The following RICTOR variants were observed in gnomAD, a reference collection of about 807,000 sequenced individuals.
The protein encoded by RICTOR is RPTOR independent companion of MTOR complex 2.
Under a neutral mutation model 214.9 loss-of-function variants are expected in RICTOR, and 49 were observed. The ratio of observed to expected loss-of-function variants is 0.23; its 90% CI spans 0.18 to 0.29. The LOEUF (loss-of-function observed/expected upper bound fraction) is 0.29. Ranked by LOEUF, RICTOR falls within the 10% of genes least tolerant of loss-of-function variation. The pLI is 1.00. For synonymous variants in RICTOR, 717 were observed against 711.3 expected (o/e 1.01, Z -0.13); for missense variants, 1,625 against 2,047.0 (o/e 0.79, Z 3.98).
intron 2 of RICTOR, among the ~76,000 whole-genome samples, chr5:39,062,583 AT>A (rs1192688023): frequency 9.2e-5 from 14 of 152,118 alleles, no homozygotes; most frequent in Admixed American, 9.2e-4. Flanking sequence ...TTAAGATGTG[AT>A]TTTTTGAAGT....
rs1490508963 is a variant in RICTOR at position 39,039,707 on chromosome 5, C to G, written c.98-18571G>C. On this transcript the variant is annotated intron_variant, in intron 2 of 37. Coordinates refer to ENST00000357387, the MANE Select transcript of RICTOR (RefSeq NM_152756.5). ...AAGACATTTATGCAGCCAAAAAACACATGAAAAAGTGCTCATCATCACTGG... is the reference window on the plus strand; with the variant it reads ...AAGACATTTATGCAGCCAAAAAACAGATGAAAAAGTGCTCATCATCACTGG... Among the ~76,000 whole-genome samples the G allele has an allele frequency of 3.3e-5, 5 of 152,256 alleles. No individual in the cohort carries two copies. In the South Asian group the frequency reaches 1.0e-3, roughly 32 times the overall value.
intron 8 of RICTOR, among the ~76,000 whole-genome samples, chr5:38,980,144 T>C (rs936875568): frequency 1.3e-5 from 2 of 152,204 alleles, no homozygotes; most frequent in African/African-American, 4.8e-5. Context: ...CATTATTTCA[T>C]CTATTTTATT....
intron 7 of RICTOR, among the ~76,000 whole-genome samples, chr5:38,987,116 T>C (rs571235159): frequency 1.8e-3 from 276 of 152,290 alleles, no homozygotes; most frequent in African/African-American, 5.2e-3. Context: ...TGCTGCTGGA[T>C]TTGGTTTGCC....
chr5:38,956,667 A>C lies in RICTOR; in HGVS notation c.2500-963T>G, dbSNP rs577741240. Among the ~76,000 whole-genome samples the C allele has an allele frequency of 6.6e-5, 10 of 152,174 alleles. No homozygotes were observed. In the East Asian group the frequency reaches 1.9e-3, roughly 29 times the overall value. The stretch of plus-strand genomic sequence containing the variant: ...TAATCTCTCCTCTGTGTTCCCTTAT[A>C]CCTTGCATGTAACTTTGTTATAGCT... On this transcript the variant is annotated intron_variant, in intron 25 of 37. Transcript: ENST00000357387.
chr5:39,011,041 G>A (rs907251180), intron 3 of RICTOR, among the ~76,000 whole-genome samples: 1 of 152,142 alleles, frequency 6.6e-6, no homozygotes, highest in Admixed American at 6.5e-5. Flanking sequence ...ATGTCTCCAA[G>A]GCATGTCAGA....
rs1216641923 is a variant in RICTOR at position 38,939,350 on chromosome 5, T to C, written c.*2954A>G. The C allele has an allele frequency of 4.3e-6, 1 of 232,286 alleles. No individual in the cohort carries two copies. Among genetic ancestry groups the C allele is most frequent in the Non-Finnish European group, 8.5e-6 (1 of 117,558 alleles). 14.4% of individuals were successfully genotyped at this position (232,286 alleles called of 1,614,324 possible). On this transcript the variant is annotated 3_prime_UTR_variant, in exon 38 of 38. Transcript: ENST00000357387. ...AAAGGACTTGTACACATTATGTTAA[T>C]AATGTATATACTTCCAAAGAGCCTC...
intron 16 of RICTOR, among the ~76,000 whole-genome samples, chr5:38,963,679 T>A (rs537485921): frequency 6.6e-6 from 1 of 151,964 alleles, no homozygotes; most frequent in African/African-American, 2.4e-5. Context: ...GAAAGCTTAC[T>A]GAGCTAAAGA....
Position 38,950,387 on chromosome 5 carries a change from T to G in RICTOR, c.3461A>C (p.Gln1154Pro), listed in dbSNP as rs61748209. Residue 1154 changes from glutamine (Q) to proline (P), a missense_variant, in exon 31 of 38, where the codon CAG (glutamine) becomes CCG (proline). By Grantham distance (76) the Gln-to-Pro change is moderately conservative. This residue lies in a region of RICTOR where 1,214 missense variants were observed against 1,470.5 expected (regional missense o/e 0.83). Coordinates refer to ENST00000357387, the MANE Select transcript of RICTOR (RefSeq NM_152756.5). ...TGAAGTCTCTAATTGTAATGTTTTCTGTACAGTGGATATGGGTGTAAAATC... is the reference window on the plus strand; with the variant it reads ...TGAAGTCTCTAATTGTAATGTTTTCGGTACAGTGGATATGGGTGTAAAATC... ...SDDFTPISTVQKTLQLETSFM... is the reference protein window; with the variant it reads ...SDDFTPISTVPKTLQLETSFM... 337 of 1,613,280 alleles carry G rather than the reference T, an allele frequency of 2.1e-4. No homozygotes were observed. The highest frequency in any genetic ancestry group is 2.7e-4 in the Non-Finnish European group (317 of 1,179,512).
chr5:38,990,725 A>ATCATATATATGATATATATG (rs1752647905), intron 7 of RICTOR, among the ~76,000 whole-genome samples: 1 of 123,146 alleles, frequency 8.1e-6, no homozygotes, highest in African/African-American at 3.0e-5. Context: ...TATGATATAT[A>ATCATATATATGATATATATG]TCATATATAT....
At position 38,958,676 on chromosome 5, in the gene RICTOR, A is replaced by G. The variant is rs1368499724; in HGVS notation, c.2334T>C (p.Cys778=). The part of the protein sequence containing the change: ...SEALDILDEA[C]EDKANLHALI... ...AAAAATGAACCTTTACCTTGTCTTCACATGCTTCATCGAGGATATCAAGAG... is the reference window on the plus strand; with the variant it reads ...AAAAATGAACCTTTACCTTGTCTTCGCATGCTTCATCGAGGATATCAAGAG... Residue 778 remains cysteine, a synonymous_variant, in exon 23 of 38, where the codon TGT becomes TGC. Transcript: ENST00000357387. 2.5e-6 allele frequency: 4 copies of G among 1,600,624 alleles called. No homozygotes were observed. Among genetic ancestry groups the G allele is most frequent in the Non-Finnish European group, 3.4e-6 (4 of 1,175,348 alleles).
chr5:39,050,841 G>A (rs939154068), intron 2 of RICTOR, among the ~76,000 whole-genome samples: 2 of 152,076 alleles, frequency 1.3e-5, no homozygotes, highest in African/African-American at 4.8e-5. Context: ...ATGGTTGAAG[G>A]TAAAGAATAC....
chr5:38,967,246 A>T lies in RICTOR; in HGVS notation c.1152-19T>A, dbSNP rs762128450. On this transcript the variant is annotated intron_variant, in intron 13 of 37. Coordinates refer to ENST00000357387, the MANE Select transcript of RICTOR (RefSeq NM_152756.5). ...GTCTGGCCTGGAAAAAACAGCACAGAAACAATTTAAATAAAGTTTCATAGA... is the reference window on the plus strand; with the variant it reads ...GTCTGGCCTGGAAAAAACAGCACAGTAACAATTTAAATAAAGTTTCATAGA... The T allele has an allele frequency of 2.5e-6, 4 of 1,609,062 alleles. No homozygotes were observed. Among genetic ancestry groups the T allele is most frequent in the Non-Finnish European group, 3.4e-6 (4 of 1,175,514 alleles).
chr5:38,998,995 G>A (rs1208546595), intron 5 of RICTOR, among the ~76,000 whole-genome samples: 11 of 118,978 alleles, frequency 9.2e-5, no homozygotes, highest in Non-Finnish European at 1.4e-4. Flanking sequence ...CAGCTTGGGC[G>A]ACAGAGCGAG....
chr5:39,017,401 T>C (rs1303710576), intron 3 of RICTOR, among the ~76,000 whole-genome samples: 1 of 152,126 alleles, frequency 6.6e-6, no homozygotes, highest in Non-Finnish European at 1.5e-5. Flanking sequence ...GTTGCGGTCT[T>C]AAAGATTTGA....
At chr5:39,065,215 A>T (rs937788348) in intron 2 of RICTOR, among the ~76,000 whole-genome samples, 1 of 152,148 alleles carries the variant, frequency 6.6e-6, no homozygotes, top group African/African-American at 2.4e-5. Context: ...GCAAAGACGA[A>T]GCGTGTGCAG....
At chr5:39,017,484 T>C (rs1755049991) in intron 3 of RICTOR, among the ~76,000 whole-genome samples, 2 of 152,052 alleles carry the variant, frequency 1.3e-5, no homozygotes. Flanking sequence ...ACAAAATACA[T>C]GCCCATACTT....
chr5:39,062,192 T>G (rs1057479626), intron 2 of RICTOR, among the ~76,000 whole-genome samples: 1 of 152,114 alleles, frequency 6.6e-6, no homozygotes, highest in African/African-American at 2.4e-5. Context: ...ACATCCATTA[T>G]TATAATTTTA....
chr5:38,975,163 G>A (rs990158430), intron 10 of RICTOR, among the ~76,000 whole-genome samples: 15 of 152,004 alleles, frequency 9.9e-5, no homozygotes, highest in African/African-American at 3.6e-4. Flanking sequence ...TGCTTATTTT[G>A]TATCTATGAC....
rs1747422893 is a variant in RICTOR, at chr5:38,940,334, G to A, written c.*1970C>T. The A allele has an allele frequency of 4.3e-6, 1 of 230,910 alleles. No individual in the cohort carries two copies. Among genetic ancestry groups the A allele is most frequent in the Non-Finnish European group, 8.6e-6 (1 of 116,490 alleles). The allele number at this position is 230,910 out of a possible 1,614,324, so 14.3% of individuals were successfully genotyped here. The stretch of plus-strand genomic sequence containing the variant: ...TTTATACTCTATATTAACTGAGGTA[G>A]TGTTTAAAATGAATGTCTAAAATAT... On this transcript the variant is annotated 3_prime_UTR_variant, in exon 38 of 38. Coordinates refer to ENST00000357387, the MANE Select transcript of RICTOR (RefSeq NM_152756.5).
Sources: gnomAD v4.1 joint callset for allele counts (sites outside exome capture counted in the v4.1 genomes callset) on GRCh38, gnomAD v4.1.1 for gene constraint, gnomAD v4.1.1 regional missense constraint, MANE v1.5 for transcripts, NCBI Gene and HGNC (gene_info 2026-07-23, HGNC 2026-07-21) for gene names.